Variants in ANOS1 observed in about 807,000 individuals in gnomAD.
ANOS1 encodes anosmin 1.
ANOS1 carries 6 observed loss-of-function variants against 59.0 expected under a neutral mutation model. That is an observed-to-expected ratio of 0.10 (90% CI 0.06 to 0.20). ANOS1 has a LOEUF of 0.20. ANOS1 is among the 10% of genes least tolerant of loss of function. The probability of loss-of-function intolerance (pLI) is 1.00; values close to 1 mark genes in which losing one functional copy is unlikely to be tolerated. For missense variants in ANOS1, 433 were observed against 542.3 expected, an observed-to-expected ratio of 0.80 and a Z score of 2.00; for synonymous variants, 217 against 223.4, an observed-to-expected ratio of 0.97 and a Z score of 0.25.
chrX:8,715,444 CTTTTTTT>C (rs79202549), intron 1 of ANOS1, among the ~76,000 whole-genome samples: 2 of 95,543 alleles, frequency 2.1e-5, no homozygotes, highest in African/African-American at 3.8e-5. Flanking sequence ...TTTTCTTTTT[CTTTTTTT>C]TTTTTTTGGT....
At chrX:8,640,106 C>T (rs190002994) in intron 2 of ANOS1, among the ~76,000 whole-genome samples, 2 of 110,944 alleles carry the variant, frequency 1.8e-5, no homozygotes, top group South Asian at 3.9e-4. Context: ...CAGTCCCCTC[C>T]GGGCACCATC....
At chrX:8,599,740 A>T (rs768190365) in intron 3 of ANOS1, among the ~76,000 whole-genome samples, 4 of 112,179 alleles carry the variant, frequency 3.6e-5, no homozygotes, top group Non-Finnish European at 5.6e-5. Flanking sequence ...TTAGTCAGAT[A>T]GGTGTCTGGT....
intron 11 of ANOS1, 51 bp from the exon 12 acceptor site, chrX:8,535,862 G>C: frequency 9.9e-7 from 1 of 1,007,483 alleles, no homozygotes. Context: ...GAGAAGGTGT[G>C]CCCAAGGGAT....
chrX:8,566,167 A>G (rs1930109101), intron 8 of ANOS1: 1 of 753,691 alleles, frequency 1.3e-6, no homozygotes, highest in South Asian at 6.7e-5. Flanking sequence ...TCATTCCCCA[A>G]CTCCATGTTG....
rs573433299 is a variant in ANOS1 at position 8,677,870 on chromosome X, C to G, written c.255+21828G>C. Among the ~76,000 whole-genome samples, 7 of 111,734 alleles carry G rather than the reference C, an allele frequency of 6.3e-5. No individual in the cohort carries two copies. In the South Asian group the frequency reaches 2.7e-3, roughly 43 times the overall value. ...AATAATAAAATGGAGGAGGGGGAAACTACCACAGTGGTTTTATATCCATTC... is the reference window on the plus strand; with the variant it reads ...AATAATAAAATGGAGGAGGGGGAAAGTACCACAGTGGTTTTATATCCATTC... On this transcript the variant is annotated intron_variant, in intron 2 of 13. Coordinates refer to ENST00000262648, the MANE Select transcript of ANOS1 (RefSeq NM_000216.4).
At chrX:8,602,053 T>A (rs757983030) in intron 3 of ANOS1, among the ~76,000 whole-genome samples, 8 of 112,161 alleles carry the variant, frequency 7.1e-5, no homozygotes, top group Admixed American at 3.8e-4. Flanking sequence ...TAGAGCAGTG[T>A]GGATTTGGTG....
chrX:8,594,684 A>ATG, intron 4 of ANOS1, among the ~76,000 whole-genome samples: 1 of 63,292 alleles, frequency 1.6e-5, no homozygotes, highest in African/African-American at 6.8e-5. Context: ...ATATATATAT[A>ATG]TATATATATA....
intron 6 of ANOS1, among the ~76,000 whole-genome samples, chrX:8,580,953 C>G (rs1267193954): frequency 9.0e-6 from 1 of 111,432 alleles, no homozygotes; most frequent in African/African-American, 3.3e-5. Flanking sequence ...AATTTTAAAC[C>G]ACTGGAAGAC....
chrX:8,540,119 A>G (rs1179933931), intron 9 of ANOS1, among the ~76,000 whole-genome samples: 1 of 111,100 alleles, frequency 9.0e-6, no homozygotes, highest in Admixed American at 9.6e-5. Flanking sequence ...GCAAAGCCCT[A>G]CAATGAAAGG....
At chrX:8,679,484 T>C (rs1932386731) in intron 2 of ANOS1, among the ~76,000 whole-genome samples, 1 of 108,219 alleles carries the variant, frequency 9.2e-6, no homozygotes, top group Non-Finnish European at 1.9e-5. Context: ...AGACACAGAG[T>C]CAAATGTTTC....
intron 7 of ANOS1, among the ~76,000 whole-genome samples, chrX:8,569,590 C>G (rs1242766822): frequency 9.0e-6 from 1 of 111,495 alleles, no homozygotes; most frequent in African/African-American, 3.3e-5. Context: ...TGCAGTGAGC[C>G]GAGATTGCTC....
intron 2 of ANOS1, among the ~76,000 whole-genome samples, chrX:8,669,074 C>T (rs1330009123): frequency 8.9e-6 from 1 of 112,256 alleles, no homozygotes; most frequent in Admixed American, 9.5e-5. Context: ...ATGTCTGGCT[C>T]TGTGTGTGGG....
chrX:8,704,104 C>T (rs1006492564), intron 1 of ANOS1, among the ~76,000 whole-genome samples: 1 of 111,567 alleles, frequency 9.0e-6, no homozygotes, highest in East Asian at 2.8e-4. Flanking sequence ...CGCACATGCT[C>T]TCTTGCCTGC....
intron 2 of ANOS1, among the ~76,000 whole-genome samples, chrX:8,664,926 C>G (rs1932109352): frequency 8.9e-6 from 1 of 111,743 alleles, no homozygotes; most frequent in Admixed American, 9.5e-5. Flanking sequence ...TCCGCATAAG[C>G]AGATGTTTTT....
intron 8 of ANOS1, among the ~76,000 whole-genome samples, chrX:8,554,542 G>GTTT (rs757605733): frequency 7.6e-3 from 388 of 50,766 alleles, no homozygotes; most frequent in East Asian, 0.011. Context: ...GGCTACAGGA[G>GTTT]TTTTTTTTTT....
At chrX:8,695,317 T>C (rs369630246) in intron 2 of ANOS1, among the ~76,000 whole-genome samples, 2 of 111,846 alleles carry the variant, frequency 1.8e-5, no homozygotes, top group East Asian at 5.6e-4. Flanking sequence ...GTCTCTAAAT[T>C]AATAAATAAA....
chrX:8,682,082 G>A (rs1020431280), intron 2 of ANOS1, among the ~76,000 whole-genome samples: 3 of 110,876 alleles, frequency 2.7e-5, no homozygotes, highest in Non-Finnish European at 5.7e-5. Flanking sequence ...TCGCAAGCAC[G>A]GGGTCAGGCA....
At chrX:8,715,486 C>T (rs142065175) in intron 1 of ANOS1, among the ~76,000 whole-genome samples, 75 of 105,990 alleles carry the variant, frequency 7.1e-4, no homozygotes, top group African/African-American at 2.2e-3. Context: ...ACTCTGATGC[C>T]CAGGCTGGTC....
At chrX:8,728,497 CGCGACGCTACAGAGCCTGGGTGTAGA>C (rs1254686580) in intron 1 of ANOS1, among the ~76,000 whole-genome samples, 1 of 111,706 alleles carries the variant, frequency 9.0e-6, no homozygotes, top group South Asian at 3.7e-4. Flanking sequence ...GCTACCCATT[CGCGACGCTACAGAGCCTGGGTGTAGA>C]GCAGGTCTGC....
Sources: gnomAD v4.1 joint callset for allele counts (sites outside exome capture counted in the v4.1 genomes callset) on GRCh38, gnomAD v4.1.1 for gene constraint, MANE v1.5 for transcripts, NCBI Gene and HGNC (gene_info 2026-07-23, HGNC 2026-07-21) for gene names.